IKBIP: variants seen among roughly 807,000 people sequenced by gnomAD.
IKBIP encodes inhibitor of nuclear factor kappa-B kinase-interacting protein.
A neutral mutation model predicts 31.0 loss-of-function variants in IKBIP; 28 were observed. That is an observed-to-expected ratio of 0.90 (90% confidence interval 0.67 to 1.24). The LOEUF (loss-of-function observed/expected upper bound fraction) is 1.24, where lower values mean the gene tolerates loss of function less well. Among genes scored for constraint, IKBIP ranks in the 50% most tolerant of loss-of-function variants. The pLI is 0.00. For missense variants in IKBIP, 453 were observed against 441.9 expected (o/e 1.03, Z -0.23); for synonymous variants, 164 against 160.3 (o/e 1.02, Z -0.17).
At chr12:98,618,853 G>T (rs2097607954) in intron 2 of IKBIP, among the ~76,000 whole-genome samples, 1 of 152,120 alleles carries the variant, frequency 6.6e-6, no homozygotes, top group Non-Finnish European at 1.5e-5. Flanking sequence ...AAATAAAAAT[G>T]AATTATGCTC....
At chr12:98,630,370 C>A (rs1565841456) in intron 2 of IKBIP, among the ~76,000 whole-genome samples, 1 of 80,594 alleles carries the variant, frequency 1.2e-5, no homozygotes, top group Non-Finnish European at 2.0e-5. Flanking sequence ...GCAACAAGAG[C>A]CTGGGCAAAA....
intron 2 of IKBIP, among the ~76,000 whole-genome samples, chr12:98,617,742 G>T (rs2153293903): frequency 6.6e-6 from 1 of 152,270 alleles, no homozygotes; most frequent in Admixed American, 6.5e-5. Flanking sequence ...AGAAACAAAT[G>T]TAAAATGGCT....
chr12:98,640,837 C>T (rs1028259891), intron 1 of IKBIP, among the ~76,000 whole-genome samples: 3 of 151,954 alleles, frequency 2.0e-5, no homozygotes, highest in Non-Finnish European at 4.4e-5. Flanking sequence ...TCAAAGCTCA[C>T]TGAAACCTCA....
chr12:98,634,780 G>T (rs1477337647), intron 1 of IKBIP, among the ~76,000 whole-genome samples: 2 of 151,138 alleles, frequency 1.3e-5, no homozygotes, highest in African/African-American at 4.9e-5. Flanking sequence ...CGCGATCTAG[G>T]CTCACTGCAA....
chr12:98,616,196 A>T (rs1239142047), intron 2 of IKBIP, among the ~76,000 whole-genome samples: 1 of 152,152 alleles, frequency 6.6e-6, no homozygotes, highest in African/African-American at 2.4e-5. Flanking sequence ...AACAGGTGTG[A>T]GTTGATATCT....
At chr12:98,616,975 C>T (rs1467089356) in intron 2 of IKBIP, among the ~76,000 whole-genome samples, 1 of 152,142 alleles carries the variant, frequency 6.6e-6, no homozygotes, top group Non-Finnish European at 1.5e-5. Flanking sequence ...TCTAAGGCAA[C>T]TGCAAATAAG....
intron 2 of IKBIP, among the ~76,000 whole-genome samples, chr12:98,632,572 C>T: frequency 1.2e-5 from 1 of 85,642 alleles, no homozygotes; most frequent in South Asian, 4.9e-4. Context: ...CCTGGGATTT[C>T]TTCTAATGGT....
At chr12:98,635,179 A>C (rs1309242350) in intron 1 of IKBIP, among the ~76,000 whole-genome samples, 1 of 150,272 alleles carries the variant, frequency 6.7e-6, no homozygotes, top group Non-Finnish European at 1.5e-5. Context: ...CAATTTTTTA[A>C]TATTTTTAGT....
At chr12:98,623,560 CT>C (rs35433597), downstream of IKBIP, among the ~76,000 whole-genome samples, 24,330 of 64,846 alleles carry the variant, frequency 0.38, 1,635 homozygotes, top group East Asian at 0.49. Context: ...CCTCCTTACA[CT>C]TTTTTTTTTT....
chr12:98,642,952 TTTTG>T (rs151024500), intron 1 of IKBIP, among the ~76,000 whole-genome samples: 4,999 of 150,966 alleles, frequency 0.033, 262 homozygotes, highest in African/African-American at 0.12. Flanking sequence ...TGTGACAAAA[TTTTG>T]TTTGTTTGTT....
chr12:98,644,423 G>A, intron 1 of IKBIP, 100 bp downstream of exon 1: 1 of 1,160,244 alleles, frequency 8.6e-7, no homozygotes, highest in South Asian at 1.5e-5. Flanking sequence ...GCCCAGGTCT[G>A]GGAGGTTGGA....
chr12:98,644,571 CG>C lies in IKBIP; in HGVS notation c.130del (p.Arg44GlufsTer4), dbSNP rs2097636453. ...CAGCGACAGCAGGCTCAGGCACGTT[CG>C]GGGGTCTGCCCAGCCCCCGCCTCCG... ...SSGGGGWADP[R>X]TCLSLLSLGT... On this transcript the variant is annotated frameshift_variant, in exon 1 of 3. Coordinates refer to ENST00000299157, the MANE Select transcript of IKBIP (RefSeq NM_153687.4). LOFTEE classifies it high-confidence loss of function. 1.2e-6 allele frequency: 2 copies of C among 1,608,726 alleles called. No individual in the cohort carries two copies. Among genetic ancestry groups the C allele is most frequent in the African/African-American group, 1.3e-5 (1 of 74,744 alleles).
intron 2 of IKBIP, among the ~76,000 whole-genome samples, chr12:98,632,825 C>T (rs1324002100): frequency 6.6e-6 from 1 of 151,790 alleles, no homozygotes; most frequent in African/African-American, 2.4e-5. Flanking sequence ...CAGGGTTTCG[C>T]CATGTTGGCC....
downstream of IKBIP, among the ~76,000 whole-genome samples, chr12:98,621,019 G>A (rs915705034): frequency 2.6e-5 from 4 of 151,992 alleles, no homozygotes; most frequent in African/African-American, 9.7e-5. Context: ...AGGCCGAGGT[G>A]GGTGGATCAC....
intron 2 of IKBIP, among the ~76,000 whole-genome samples, chr12:98,633,243 T>C (rs2097622695): frequency 6.6e-6 from 1 of 152,164 alleles, no homozygotes; most frequent in Non-Finnish European, 1.5e-5. Context: ...TTCCCAATGA[T>C]AGCTTGGTCC....
chr12:98,626,758 A>G lies in IKBIP; in HGVS notation c.306T>C (p.Ser102=). The G allele has an allele frequency of 6.3e-7, 1 of 1,596,816 alleles. No homozygotes were observed. Among genetic ancestry groups the G allele is most frequent in the Non-Finnish European group, 8.5e-7 (1 of 1,171,390 alleles). ...TAGCTTCCTGCAGGATGCTTTCAGTAGACTCAAGCTGCATTTATAACACAA... is the reference window on the plus strand; with the variant it reads ...TAGCTTCCTGCAGGATGCTTTCAGTGGACTCAAGCTGCATTTATAACACAA... ...KISLISEKLE[S]TESILQEATS... is the part of the protein sequence containing the mutation. Residue 102 remains serine (S), a synonymous_variant, in exon 3 of 3, where the codon TCT becomes TCC. Transcript: ENST00000299157.
chr12:98,632,891 G>A (rs2097622307), intron 2 of IKBIP, among the ~76,000 whole-genome samples: 1 of 151,972 alleles, frequency 6.6e-6, no homozygotes, highest in African/African-American at 2.4e-5. Context: ...GCCTCCCAAA[G>A]TGCTGGGATT....
chr12:98,633,547 C>T (rs371120624), intron 2 of IKBIP, among the ~76,000 whole-genome samples: 4 of 112,310 alleles, frequency 3.6e-5, no homozygotes, highest in African/African-American at 6.8e-5. Context: ...GACGGATCCT[C>T]GCTCTATAGC....
intron 2 of IKBIP, among the ~76,000 whole-genome samples, chr12:98,632,371 A>G (rs1271700645): frequency 6.9e-6 from 1 of 145,258 alleles, no homozygotes; most frequent in Non-Finnish European, 1.5e-5. Context: ...GTTACTTGGG[A>G]GGCTGAGTTG....
Sources: allele counts gnomAD v4.1 joint callset (sites outside exome capture counted in the v4.1 genomes callset), GRCh38; gene constraint gnomAD v4.1.1; transcripts MANE v1.5; gene names NCBI Gene and HGNC (gene_info 2026-07-23, HGNC 2026-07-21).